MAP4K4: variants seen among roughly 807,000 people sequenced by gnomAD.
MAP4K4 encodes HPK/GCK-like kinase HGK.
In MAP4K4, 38 loss-of-function variants were observed where a neutral mutation model predicts 189.6. That is an observed-to-expected ratio of 0.20 (90% CI 0.15 to 0.26). The LOEUF (loss-of-function observed/expected upper bound fraction) is 0.26, where lower values mean the gene tolerates loss of function less well. Ranked by LOEUF, MAP4K4 falls within the 10% of genes least tolerant of loss-of-function variation. MAP4K4 has a pLI of 1.00. For synonymous variants in MAP4K4, 610 were observed against 624.3 expected, an observed-to-expected ratio of 0.98 and a Z score of 0.34; for missense variants, 1,054 against 1,726.9, an observed-to-expected ratio of 0.61 and a Z score of 6.91.
intron 2 of MAP4K4, among the ~76,000 whole-genome samples, chr2:101,720,131 A>G (rs908481127): frequency 2.6e-5 from 4 of 151,946 alleles, no homozygotes; most frequent in African/African-American, 9.7e-5. Context: ...TGTACAGCAC[A>G]GTTGTACTTA....
chr2:101,786,433 T>A (rs1400658915), intron 2 of MAP4K4, among the ~76,000 whole-genome samples: 1 of 152,126 alleles, frequency 6.6e-6, no homozygotes, highest in Non-Finnish European at 1.5e-5. Flanking sequence ...TTCCTGAAAT[T>A]TAAAGACTAA....
chr2:101,753,797 A>G (rs1215086361), intron 2 of MAP4K4, among the ~76,000 whole-genome samples: 1 of 152,054 alleles, frequency 6.6e-6, no homozygotes, highest in Non-Finnish European at 1.5e-5. Flanking sequence ...TTAACCAGTA[A>G]TGCACTTTTA....
At chr2:101,853,956 T>C (rs2149747028) in intron 12 of MAP4K4, among the ~76,000 whole-genome samples, 1 of 152,302 alleles carries the variant, frequency 6.6e-6, no homozygotes, top group East Asian at 1.9e-4. Context: ...GTGTGTAACA[T>C]GTTAGGGTAA....
chr2:101,807,187 G>T, intron 3 of MAP4K4, among the ~76,000 whole-genome samples: 1 of 151,906 alleles, frequency 6.6e-6, no homozygotes. Context: ...ATTAGCTGGG[G>T]TTATAGGTGT....
At chr2:101,819,511 AGTC>A (rs1358279668) in intron 3 of MAP4K4, among the ~76,000 whole-genome samples, 2 of 152,242 alleles carry the variant, frequency 1.3e-5, no homozygotes, top group Non-Finnish European at 2.9e-5. Flanking sequence ...GATGTGTAAT[AGTC>A]GTCTATTTTA....
intron 2 of MAP4K4, among the ~76,000 whole-genome samples, chr2:101,729,288 A>G (rs568606922): frequency 6.6e-6 from 1 of 152,282 alleles, no homozygotes; most frequent in South Asian, 2.1e-4. Context: ...ACAAAGTGAC[A>G]GAGTGGACAG....
chr2:101,852,190 A>G (rs1456530099), intron 12 of MAP4K4, among the ~76,000 whole-genome samples: 1 of 151,954 alleles, frequency 6.6e-6, no homozygotes, highest in Non-Finnish European at 1.5e-5. Context: ...TAATAATTAA[A>G]TCTCAAGACT....
chr2:101,840,217 G>C (rs1021688585), intron 10 of MAP4K4, among the ~76,000 whole-genome samples: 1 of 152,068 alleles, frequency 6.6e-6, no homozygotes, highest in East Asian at 1.9e-4. Flanking sequence ...CAAATAGATC[G>C]GCATTGCGAT....
chr2:101,892,667 T>C (rs1380855367), exon 33 of MAP4K4: 1 of 325,476 alleles, frequency 3.1e-6, no homozygotes, highest in Non-Finnish European at 6.1e-6. Context: ...AAAGTGGGCA[T>C]CTTCTGTGTT....
At chr2:101,791,762 G>A (rs2092916101) in intron 3 of MAP4K4, among the ~76,000 whole-genome samples, 1 of 152,170 alleles carries the variant, frequency 6.6e-6, no homozygotes. Context: ...TTCAGCATGG[G>A]TATTTGTCAG....
At chr2:101,807,784 G>A (rs1343272351) in intron 3 of MAP4K4, among the ~76,000 whole-genome samples, 1 of 151,990 alleles carries the variant, frequency 6.6e-6, no homozygotes, top group Non-Finnish European at 1.5e-5. Context: ...GAGGGGGAGG[G>A]AAGGAATGAG....
chr2:101,810,193 A>T (rs1002723762), intron 3 of MAP4K4, among the ~76,000 whole-genome samples: 1 of 152,188 alleles, frequency 6.6e-6, no homozygotes, highest in African/African-American at 2.4e-5. Context: ...ATTTGGTTTG[A>T]ATCAAATCTT....
chr2:101,876,872 A>C, intron 26 of MAP4K4, 131 bp from the exon 27 acceptor site: 1 of 826,698 alleles, frequency 1.2e-6, no homozygotes, highest in Non-Finnish European at 1.9e-6. Flanking sequence ...GACTATTTTA[A>C]GGATTTCTGC....
intron 12 of MAP4K4, among the ~76,000 whole-genome samples, chr2:101,851,343 A>G (rs2149706913): frequency 6.6e-6 from 1 of 152,340 alleles, no homozygotes; most frequent in Admixed American, 6.5e-5. Context: ...AAAAGATTGT[A>G]TCATGTTTAT....
At chr2:101,829,792 C>A (rs925306645) in intron 6 of MAP4K4, 198 bp downstream of exon 6, 11 of 514,698 alleles carry the variant, frequency 2.1e-5, no homozygotes, top group African/African-American at 2.1e-4. Flanking sequence ...CCCCCCTGCC[C>A]CCTGGTTCTC....
chr2:101,854,071 A>G (rs1313446070), intron 12 of MAP4K4, among the ~76,000 whole-genome samples: 6 of 152,180 alleles, frequency 3.9e-5, no homozygotes, highest in African/African-American at 7.2e-5. Context: ...TGTTCCAGCA[A>G]AGTAAGAAAG....
In MAP4K4 at chr2:101,702,782, C is replaced by T. The variant is rs145795201; in HGVS notation, c.123+4244C>T. 3.3e-3 allele frequency among the ~76,000 whole-genome samples: 495 copies of T among 152,246 alleles called. 3 individuals are homozygous for T. Among genetic ancestry groups the T allele is most frequent in the African/African-American group, 0.011 (452 of 41,552 alleles). ...TGATCTTGTCATTGGAGGAAGGGTA[C>T]AATGTGGACCTTGGAGATTGAGGAC... On this transcript the variant is annotated intron_variant, in intron 2 of 32. Transcript: ENST00000324219.
chr2:101,887,040 AAAAAT>A (rs776485552), intron 29 of MAP4K4, 43 bp from the exon 30 acceptor site: 2 of 1,364,626 alleles, frequency 1.5e-6, no homozygotes, highest in African/African-American at 3.0e-5. Flanking sequence ...AAAAAAAAAA[AAAAAT>A]GTTCTCCTTC....
At chr2:101,810,678 C>G (rs1390429498) in intron 3 of MAP4K4, among the ~76,000 whole-genome samples, 1 of 152,156 alleles carries the variant, frequency 6.6e-6, no homozygotes, top group Non-Finnish European at 1.5e-5. Context: ...ACTCTGGGCT[C>G]TCAAGAGGCA....
Sources: gnomAD v4.1 joint callset for allele counts (sites outside exome capture counted in the v4.1 genomes callset) on GRCh38, gnomAD v4.1.1 for gene constraint, MANE v1.5 for transcripts, NCBI Gene and HGNC (gene_info 2026-07-23, HGNC 2026-07-21) for gene names.